The following LRP2 variants were observed in gnomAD, a reference collection of about 807,000 sequenced individuals.
LRP2 encodes the protein low-density lipoprotein receptor-related protein 2.
Under a neutral mutation model 531.0 loss-of-function variants are expected in LRP2, and 172 were observed. That is an observed-to-expected ratio of 0.32 (90% confidence interval 0.29 to 0.37). The LOEUF is 0.37. LRP2 is among the 10% of genes least tolerant of loss of function. The pLI is 1.00. For missense variants in LRP2, 5,167 were observed against 5,868.3 expected (o/e 0.88, Z 3.90); for synonymous variants, 1,992 against 2,027.6 (o/e 0.98, Z 0.47).
intron 49 of LRP2, among the ~76,000 whole-genome samples, chr2:169,187,265 C>A (rs1172607360): frequency 6.6e-6 from 1 of 152,040 alleles, no homozygotes; most frequent in African/African-American, 2.4e-5. Context: ...TAAATCTTAT[C>A]TTTCATATAA....
chr2:169,215,076 G>C (rs1417707822), intron 35 of LRP2, among the ~76,000 whole-genome samples: 1 of 152,162 alleles, frequency 6.6e-6, no homozygotes, highest in South Asian at 2.1e-4. Context: ...CATGTAACAA[G>C]AGCTTCCTCG....
intron 1 of LRP2, among the ~76,000 whole-genome samples, chr2:169,322,598 A>G (rs1684937389): frequency 6.6e-6 from 1 of 152,222 alleles, no homozygotes; most frequent in Non-Finnish European, 1.5e-5. Flanking sequence ...ATTTTGTTCT[A>G]CAAAGCAATA....
At chr2:169,215,413 T>C (rs77205469) in intron 35 of LRP2, among the ~76,000 whole-genome samples, 4,216 of 152,238 alleles carry the variant, frequency 0.028, 182 homozygotes, top group African/African-American at 0.094. Flanking sequence ...CCTATTTCAA[T>C]GAGTGAACGA....
At chr2:169,361,938 G>A (rs1236863097) in intron 1 of LRP2, among the ~76,000 whole-genome samples, 2 of 152,214 alleles carry the variant, frequency 1.3e-5, no homozygotes, top group Non-Finnish European at 2.9e-5. Context: ...GCAGAGCCCG[G>A]GACCGCGCCG....
At chr2:169,309,151 A>C (rs1347624104) in intron 3 of LRP2, among the ~76,000 whole-genome samples, 1 of 152,038 alleles carries the variant, frequency 6.6e-6, no homozygotes, top group African/African-American at 2.4e-5. Context: ...AGATTGCAAA[A>C]ATTTTCTCCC....
Position 169,185,892 on chromosome 2 carries a change from A to G in LRP2, c.9456T>C (p.Asp3152=), listed in dbSNP as rs1336086385. 1 of 1,614,022 alleles carries G rather than the reference A, an allele frequency of 6.2e-7. No individual in the cohort carries two copies. Among genetic ancestry groups the G allele is most frequent in the Non-Finnish European group, 8.5e-7 (1 of 1,179,992 alleles). ...KLMSDKRTCV[D]IDECTEMPFV... The stretch of plus-strand genomic sequence containing the variant: ...AAGGCATCTCTGTGCATTCATCAAT[A>G]TCAACACAAGTCCGCTTGTCAGACA... Residue 3152 remains aspartate (D), a synonymous_variant, in exon 50 of 79, where the codon GAT becomes GAC. Coordinates refer to ENST00000649046, the MANE Select transcript of LRP2 (RefSeq NM_004525.3).
At chr2:169,301,768 G>T (rs922299515) in intron 4 of LRP2, among the ~76,000 whole-genome samples, 3 of 151,898 alleles carry the variant, frequency 2.0e-5, no homozygotes, top group African/African-American at 4.8e-5. Flanking sequence ...ACCACTCTTT[G>T]TTCTGTAAAG....
chr2:169,166,707 CA>C (rs1422652208), intron 61 of LRP2, among the ~76,000 whole-genome samples: 2 of 152,184 alleles, frequency 1.3e-5, no homozygotes, highest in Admixed American at 6.5e-5. Context: ...ACTTGCTGTC[CA>C]GAGTGAGACC....
At chr2:169,307,182 G>A in intron 4 of LRP2, 99 bp downstream of exon 4, 1 of 826,532 alleles carries the variant, frequency 1.2e-6, no homozygotes, top group South Asian at 1.3e-5. Context: ...GAGGCATATT[G>A]TAGGCATTTA....
intron 60 of LRP2, among the ~76,000 whole-genome samples, chr2:169,169,358 A>C (rs990532464): frequency 1.1e-4 from 16 of 152,212 alleles, no homozygotes; most frequent in Admixed American, 1.0e-3. Flanking sequence ...TACCCAACCC[A>C]AGTTCTTTAT....
intron 6 of LRP2, among the ~76,000 whole-genome samples, chr2:169,293,077 T>C (rs1300156955): frequency 6.6e-6 from 1 of 152,146 alleles, no homozygotes; most frequent in Admixed American, 6.6e-5. Flanking sequence ...AAGTCAGGCA[T>C]GGCTCATTGA....
chr2:169,330,903 T>C (rs952026418), intron 1 of LRP2, among the ~76,000 whole-genome samples: 2 of 152,102 alleles, frequency 1.3e-5, no homozygotes, highest in African/African-American at 4.8e-5. Flanking sequence ...ATAAAATTTC[T>C]TAAACAGCAA....
At chr2:169,187,063 AT>A (rs1687658858) in intron 49 of LRP2, among the ~76,000 whole-genome samples, 1 of 151,880 alleles carries the variant, frequency 6.6e-6, no homozygotes, top group Admixed American at 6.6e-5. Context: ...TGATTTTTAA[AT>A]TTTTTTCTTT....
At chr2:169,213,496 T>G (rs567938741) in intron 36 of LRP2, among the ~76,000 whole-genome samples, 161 bp downstream of exon 36, 1 of 152,228 alleles carries the variant, frequency 6.6e-6, no homozygotes, top group Non-Finnish European at 1.5e-5. Flanking sequence ...CACTTAACCA[T>G]GTTTAAGACT....
chr2:169,132,526 C>G (rs772103536), intron 77 of LRP2, 48 bp downstream of exon 77: 1 of 1,118,394 alleles, frequency 8.9e-7, no homozygotes, highest in African/African-American at 1.5e-5. Flanking sequence ...CCAGTCATCC[C>G]AAAGTTTTTC....
At chr2:169,323,517 T>G (rs952912831) in intron 1 of LRP2, among the ~76,000 whole-genome samples, 5 of 152,172 alleles carry the variant, frequency 3.3e-5, no homozygotes, top group Admixed American at 6.5e-5. Context: ...CTTCAATTAG[T>G]CTATATGCAA....
Position 169,260,891 on chromosome 2 carries a change from A to G in LRP2, c.2321-1674T>C, listed in dbSNP as rs753861566. ...ACTAGAAAAAAAAAAATGATCAAGA[A>G]ATAGAAGGAAATCCAGGAGTATGCT... On this transcript the variant is annotated intron_variant, in intron 16 of 78. Coordinates refer to ENST00000649046, the MANE Select transcript of LRP2 (RefSeq NM_004525.3). Among the ~76,000 whole-genome samples the G allele has an allele frequency of 9.9e-5, 15 of 152,020 alleles. No homozygotes were observed. The South Asian group carries it at 1.0e-3, about 10-fold the overall frequency.
Position 169,201,828 on chromosome 2 carries a change from C to A in LRP2, c.8252G>T (p.Gly2751Val). Residue 2751 changes from glycine to valine, a missense_variant, in exon 44 of 79, where the codon GGG (glycine) becomes GTG (valine). By Grantham distance (109) the Gly-to-Val change is moderately radical (BLOSUM62 -3). Transcript: ENST00000649046. ...CSPTAFTCAN[G>V]RCVQYSYRCD... ...GCGGTAAGAGTATTGGACACATCGC[C>A]CATTGGCACAGGTGAAGGCTGTCGG... is the stretch of plus-strand genomic sequence containing the variant. 2 of 1,614,148 alleles carry A rather than the reference C, an allele frequency of 1.2e-6. No individual in the cohort carries two copies. Among genetic ancestry groups the A allele is most frequent in the Non-Finnish European group, 1.7e-6 (2 of 1,180,014 alleles).
chr2:169,303,629 G>A (rs942758610), intron 4 of LRP2, among the ~76,000 whole-genome samples: 1 of 151,700 alleles, frequency 6.6e-6, no homozygotes, highest in Non-Finnish European at 1.5e-5. Context: ...CCAGATCAAA[G>A]CACTAACAAA....
Sources: gnomAD v4.1 joint callset for allele counts (sites outside exome capture counted in the v4.1 genomes callset) on GRCh38, gnomAD v4.1.1 for gene constraint, MANE v1.5 for transcripts, NCBI Gene and HGNC (gene_info 2026-07-23, HGNC 2026-07-21) for gene names.